The following RSRC1 variants were observed in gnomAD, a reference collection of about 807,000 sequenced individuals.
RSRC1 encodes the protein serine/Arginine-related protein 53.
RSRC1 carries 39 observed loss-of-function variants against 49.1 expected under a neutral mutation model. The ratio of observed to expected loss-of-function variants is 0.79; its 90% CI spans 0.61 to 1.04. The LOEUF is 1.04. Ranked by LOEUF, RSRC1 falls within the 50% of genes least tolerant of loss-of-function variation. The probability of loss-of-function intolerance (pLI) is 0.00; values close to 1 mark genes in which losing one functional copy is unlikely to be tolerated. For missense variants in RSRC1, 388 were observed against 402.4 expected (o/e 0.96, Z 0.31); for synonymous variants, 143 against 130.8 (o/e 1.09, Z -0.63).
At chr3:158,170,353 TACC>T in intron 3 of RSRC1, among the ~76,000 whole-genome samples, 3 of 152,024 alleles carry the variant, frequency 2.0e-5, no homozygotes, top group African/African-American at 7.3e-5. Context: ...TTCTCCCTTT[TACC>T]ATTTTTATTG....
intron 7 of RSRC1, among the ~76,000 whole-genome samples, chr3:158,516,546 T>G (rs1244155085): frequency 6.6e-6 from 1 of 152,118 alleles, no homozygotes; most frequent in Non-Finnish European, 1.5e-5. Flanking sequence ...ACTGCTGTCT[T>G]TTTGTTGTCT....
At chr3:158,219,421 T>C (rs1035522700) in intron 4 of RSRC1, among the ~76,000 whole-genome samples, 2 of 151,532 alleles carry the variant, frequency 1.3e-5, no homozygotes, top group African/African-American at 4.8e-5. Context: ...TTTTCCCCCA[T>C]CCACTCAATT....
chr3:158,464,101 A>T (rs905954547), intron 7 of RSRC1, among the ~76,000 whole-genome samples: 6 of 152,102 alleles, frequency 3.9e-5, no homozygotes, highest in African/African-American at 1.2e-4. Flanking sequence ...TTATTCTTTG[A>T]CTTAATAAAT....
At chr3:158,173,950 G>A (rs916076386) in intron 3 of RSRC1, among the ~76,000 whole-genome samples, 4 of 151,742 alleles carry the variant, frequency 2.6e-5, no homozygotes, top group South Asian at 2.1e-4. Flanking sequence ...GGGTTGGGGT[G>A]GGGGGTGGAA....
chr3:158,215,835 TA>T (rs763359488), intron 4 of RSRC1, among the ~76,000 whole-genome samples: 1 of 151,854 alleles, frequency 6.6e-6, no homozygotes, highest in Non-Finnish European at 1.5e-5. Flanking sequence ...CTGGCAAAGA[TA>T]TTTTAGGATG....
At chr3:158,135,880 T>A (rs960957982) in intron 3 of RSRC1, among the ~76,000 whole-genome samples, 3 of 152,202 alleles carry the variant, frequency 2.0e-5, no homozygotes, top group Non-Finnish European at 4.4e-5. Flanking sequence ...TGTACTTTTC[T>A]CCCACCCATG....
chr3:158,308,746 G>A (rs532226331), intron 5 of RSRC1, among the ~76,000 whole-genome samples: 13 of 151,978 alleles, frequency 8.6e-5, no homozygotes, highest in South Asian at 2.1e-4. Flanking sequence ...AAATTAAATC[G>A]GAAAGTGCAG....
At chr3:158,124,750 C>T (rs1050532143) in intron 3 of RSRC1, among the ~76,000 whole-genome samples, 6 of 151,402 alleles carry the variant, frequency 4.0e-5, no homozygotes, top group African/African-American at 1.4e-4. Flanking sequence ...GTGGCATCAA[C>T]TGTAATGTCT....
At chr3:158,316,434 TCTC>T (rs1308820654) in intron 5 of RSRC1, among the ~76,000 whole-genome samples, 2 of 133,966 alleles carry the variant, frequency 1.5e-5, no homozygotes, top group Non-Finnish European at 3.1e-5. Context: ...CTGCAGAATC[TCTC>T]ATTTTTTTTT....
At chr3:158,363,114 A>G (rs12634807) in intron 6 of RSRC1, among the ~76,000 whole-genome samples, 33,395 of 152,074 alleles carry the variant, frequency 0.22, 4,273 homozygotes, top group Non-Finnish European at 0.29. Context: ...ATAAATCTTT[A>G]TCTTTTGACT....
At chr3:158,193,640 C>A (rs1298002137) in intron 3 of RSRC1, among the ~76,000 whole-genome samples, 1 of 151,924 alleles carries the variant, frequency 6.6e-6, no homozygotes, top group African/African-American at 2.4e-5. Context: ...ATTGTTATTG[C>A]TTTTTTATCA....
intron 3 of RSRC1, among the ~76,000 whole-genome samples, chr3:158,173,489 G>T (rs1047978043): frequency 2.0e-5 from 3 of 151,596 alleles, no homozygotes; most frequent in Non-Finnish European, 4.4e-5. Context: ...CCAATTTTTT[G>T]CTTTCTACTC....
intron 5 of RSRC1, among the ~76,000 whole-genome samples, chr3:158,342,242 G>A (rs2108216521): frequency 6.6e-6 from 1 of 152,282 alleles, no homozygotes; most frequent in African/African-American, 2.4e-5. Context: ...GGAAGGGCCA[G>A]GGCAGAATGA....
intron 7 of RSRC1, among the ~76,000 whole-genome samples, chr3:158,463,096 T>C (rs1312652292): frequency 6.6e-6 from 1 of 152,064 alleles, no homozygotes; most frequent in African/African-American, 2.4e-5. Context: ...TAGCTTATTT[T>C]GAGCTTGCAA....
chr3:158,462,522 T>C (rs1339918810), intron 7 of RSRC1, among the ~76,000 whole-genome samples: 1 of 151,994 alleles, frequency 6.6e-6, no homozygotes, highest in Non-Finnish European at 1.5e-5. Flanking sequence ...ATTGGAATCT[T>C]AATCAGTTGA....
At chr3:158,387,031 G>A (rs543053687) in intron 6 of RSRC1, among the ~76,000 whole-genome samples, 31 of 151,582 alleles carry the variant, frequency 2.0e-4, no homozygotes, top group East Asian at 9.7e-4. Flanking sequence ...AATATAACCC[G>A]AAGTCACATG....
rs1037863725 is a variant in RSRC1, at chr3:158,166,141, C to T, written c.321-36931C>T. 5.9e-5 allele frequency among the ~76,000 whole-genome samples: 9 copies of T among 152,064 alleles called. No individual in the cohort carries two copies. In the East Asian group the frequency reaches 7.7e-4, roughly 13 times the overall value. ...ACATGATAACAGGCAAATTGTGTGA[C>T]GGGGATAAGCTGGGTAATGTCTACA... is the stretch of plus-strand genomic sequence containing the variant. On this transcript the variant is annotated intron_variant, in intron 3 of 9. Transcript: ENST00000611884.
intron 3 of RSRC1, among the ~76,000 whole-genome samples, chr3:158,159,704 C>T (rs563695766): frequency 8.2e-4 from 125 of 152,214 alleles, no homozygotes; most frequent in African/African-American, 2.9e-3. Flanking sequence ...ATAGAGCTCA[C>T]TAAATGATTA....
At chr3:158,268,886 T>G (rs1725352597) in intron 4 of RSRC1, among the ~76,000 whole-genome samples, 1 of 152,222 alleles carries the variant, frequency 6.6e-6, no homozygotes, top group South Asian at 2.1e-4. Context: ...ACACTTTTGT[T>G]AATCATAGTA....
Sources: allele counts gnomAD v4.1 joint callset (sites outside exome capture counted in the v4.1 genomes callset), GRCh38; gene constraint gnomAD v4.1.1; transcripts MANE v1.5; gene names NCBI Gene and HGNC (gene_info 2026-07-23, HGNC 2026-07-21).